Variants in UBE3A observed in about 807,000 individuals in gnomAD.
UBE3A encodes the protein ubiquitin protein ligase E3A.
A neutral mutation model predicts 83.4 loss-of-function variants in UBE3A; 6 were observed. The ratio of observed to expected loss-of-function variants is 0.07; its 90% CI spans 0.04 to 0.14. UBE3A has a LOEUF of 0.14. UBE3A is among the 10% of genes least tolerant of loss of function. The pLI is 1.00. For missense variants in UBE3A, 456 were observed against 1,036.1 expected, an observed-to-expected ratio of 0.44 and a Z score of 7.69; for synonymous variants, 337 against 355.4, an observed-to-expected ratio of 0.95 and a Z score of 0.58.
chr15:25,413,166 A>G (rs1316250245), intron 1 of UBE3A: 14 of 338,186 alleles, frequency 4.1e-5, no homozygotes, highest in Non-Finnish European at 6.9e-5. Context: ...CAATTTAACC[A>G]TAAGAATCCT....
At chr15:25,354,295 C>T in intron 11 of UBE3A, 58 bp downstream of exon 11, 1 of 1,543,478 alleles carries the variant, frequency 6.5e-7, no homozygotes. Flanking sequence ...AGGTCTGAAG[C>T]AAAATCACAC....
chr15:25,337,803 T>C lies in UBE3A; in HGVS notation c.*1334A>G, dbSNP rs1338314939. 1 of 152,096 alleles carries C rather than the reference T, an allele frequency of 6.6e-6. No homozygotes were observed. Among genetic ancestry groups the C allele is most frequent in the Admixed American group, 6.6e-5 (1 of 15,262 alleles). The allele number at this position is 152,096 out of a possible 1,614,324, so 9.4% of individuals were successfully genotyped here. A position where few individuals can be genotyped will look rare whatever the true frequency, so the allele number is the denominator to read the frequency against. ...AATACATAATCCTTTTATTTTATAA[T>C]GCAATAAAAGAAATTAACAACATCA... is the stretch of plus-strand genomic sequence containing the variant. On this transcript the variant is annotated 3_prime_UTR_variant, in exon 13 of 13. Coordinates refer to ENST00000648336, the MANE Select transcript of UBE3A (RefSeq NM_130839.5).
At chr15:25,416,052 G>C (rs2090856540) in intron 1 of UBE3A, among the ~76,000 whole-genome samples, 1 of 151,956 alleles carries the variant, frequency 6.6e-6, no homozygotes. Context: ...TTCTCTACCA[G>C]ATATTAAAAC....
In UBE3A at chr15:25,339,651, T is replaced by A. The variant is rs1595368067; in HGVS notation, c.2499-394A>T. On this transcript the variant is annotated intron_variant, in intron 12 of 12. Transcript: ENST00000648336. The stretch of plus-strand genomic sequence containing the variant: ...GGTGGAGAAAATACTCAAACCTGTT[T>A]TACAAGACTGCAAAGTGTGTGCTCT... 4 of 285,174 alleles carry A rather than the reference T, an allele frequency of 1.4e-5. No individual in the cohort carries two copies. In the South Asian group the frequency reaches 1.6e-4, roughly 11 times the overall value. 17.7% of individuals were successfully genotyped at this position (285,174 alleles called of 1,614,324 possible).
At chr15:25,349,074 G>A (rs1566864503) in intron 11 of UBE3A, among the ~76,000 whole-genome samples, 2 of 152,140 alleles carry the variant, frequency 1.3e-5, no homozygotes, top group African/African-American at 4.8e-5. Context: ...TTGGCAAAAG[G>A]ACAAAACAAA....
At chr15:25,417,860 A>C (rs1887701581) in intron 1 of UBE3A, 1 of 152,084 alleles carries the variant, frequency 6.6e-6, no homozygotes, top group Non-Finnish European at 1.5e-5. Context: ...ATATAGAAGA[A>C]ACAATGGCAA....
At chr15:25,373,128 T>C (rs915572778) in intron 5 of UBE3A, among the ~76,000 whole-genome samples, 1 of 152,202 alleles carries the variant, frequency 6.6e-6, no homozygotes, top group Non-Finnish European at 1.5e-5. Flanking sequence ...TAAACATCAG[T>C]AACCTCTTCC....
At position 25,371,304 on chromosome 15, in the gene UBE3A, A is replaced by G. The variant is rs61740969; in HGVS notation, c.870T>C (p.Asn290=). 6.2e-7 allele frequency: 1 copy of G among 1,614,148 alleles called. No homozygotes were observed. Among genetic ancestry groups the G allele is most frequent in the Non-Finnish European group, 8.5e-7 (1 of 1,180,010 alleles). ...YLNLFIIVME[N]RNLHSPEYLE... The stretch of plus-strand genomic sequence containing the variant: ...GATATTCAGGACTGTGGAGATTTCT[A>G]TTCTCCATTACGATAATGAACAAAT... The change falls in exon 6 of 13, where the codon AAT becomes AAC. Residue 290 remains asparagine, a synonymous_variant. Transcript: ENST00000648336. The surrounding 1 kb of genome is among the most constrained non-coding windows in gnomAD (Gnocchi z 5.3).
intron 1 of UBE3A, among the ~76,000 whole-genome samples, chr15:25,425,126 G>C (rs928022348): frequency 6.6e-6 from 1 of 152,098 alleles, no homozygotes; most frequent in Non-Finnish European, 1.5e-5. Flanking sequence ...GTAATCAAGA[G>C]TGTGTGTTAC....
At chr15:25,375,310 G>A (rs943621430) in intron 5 of UBE3A, 155 bp downstream of exon 5, 9 of 825,640 alleles carry the variant, frequency 1.1e-5, no homozygotes, top group African/African-American at 1.7e-5. Flanking sequence ...GTAAAATGTA[G>A]TTATTATTCC....
chr15:25,343,415 A>G (rs2075186988), intron 11 of UBE3A, among the ~76,000 whole-genome samples: 1 of 152,326 alleles, frequency 6.6e-6, no homozygotes, highest in Non-Finnish European at 1.5e-5. Context: ...AGAAATGAGC[A>G]CATCTTAAAT....
At chr15:25,389,871 G>C (rs1371727892) in intron 4 of UBE3A, among the ~76,000 whole-genome samples, 5 of 151,820 alleles carry the variant, frequency 3.3e-5, no homozygotes, top group East Asian at 2.0e-4. Flanking sequence ...CTGGGTGACA[G>C]AGCGAGGCTC....
chr15:25,428,547 T>C (rs1892094883), intron 1 of UBE3A, among the ~76,000 whole-genome samples: 1 of 152,210 alleles, frequency 6.6e-6, no homozygotes, highest in South Asian at 2.1e-4. Context: ...TTGGATGAAA[T>C]GATCTTCATG....
intron 1 of UBE3A, among the ~76,000 whole-genome samples, chr15:25,428,054 T>C (rs532561538): frequency 1.8e-4 from 28 of 152,228 alleles, no homozygotes; most frequent in African/African-American, 6.5e-4. Context: ...AAGATAAGCA[T>C]AGACTGGTGG....
intron 3 of UBE3A, 95 bp from the exon 4 acceptor site, chr15:25,405,597 A>G (rs1482618554): frequency 7.7e-7 from 1 of 1,300,794 alleles, no homozygotes; most frequent in African/African-American, 1.5e-5. Flanking sequence ...TGTAAACAAG[A>G]TTTAAGCACT....
chr15:25,344,311 G>A (rs1736920368), intron 11 of UBE3A, among the ~76,000 whole-genome samples: 1 of 152,148 alleles, frequency 6.6e-6, no homozygotes, highest in African/African-American at 2.4e-5. Context: ...AATGTGGGAT[G>A]ATTCTCAGGA....
chr15:25,375,956 G>C (rs2081131714), intron 4 of UBE3A, among the ~76,000 whole-genome samples, 193 bp from the exon 5 acceptor site: 1 of 152,046 alleles, frequency 6.6e-6, no homozygotes, highest in African/African-American at 2.4e-5. Context: ...ATATTTTCTA[G>C]GATATTATGA....
chr15:25,436,556 G>A (rs1333920234), intron 1 of UBE3A, among the ~76,000 whole-genome samples: 1 of 152,166 alleles, frequency 6.6e-6, no homozygotes, highest in Non-Finnish European at 1.5e-5. Context: ...TTGGAGGGGA[G>A]AGGGAGGAGA....
intron 1 of UBE3A, among the ~76,000 whole-genome samples, chr15:25,417,055 T>C (rs1308982552): frequency 4.6e-5 from 7 of 152,136 alleles, no homozygotes; most frequent in African/African-American, 1.7e-4. Context: ...GAGAGTCCAC[T>C]GCTGAGTACT....
Sources: gnomAD v4.1 joint callset for allele counts (sites outside exome capture counted in the v4.1 genomes callset) on GRCh38, gnomAD v4.1.1 for gene constraint, Gnocchi (gnomAD v3.1) non-coding constraint, MANE v1.5 for transcripts, NCBI Gene and HGNC (gene_info 2026-07-23, HGNC 2026-07-21) for gene names.